CD200: variants seen among roughly 807,000 people sequenced by gnomAD.
CD200 encodes the protein CD200 molecule.
Under a neutral mutation model 30.9 loss-of-function variants are expected in CD200, and 15 were observed. The ratio of observed to expected loss-of-function variants is 0.49; its 90% CI spans 0.32 to 0.75. CD200 has a LOEUF of 0.75. Among genes scored for constraint, CD200 ranks in the 30% least tolerant of loss-of-function variants. The pLI is 0.03. For synonymous variants in CD200, 134 were observed against 126.2 expected, an observed-to-expected ratio of 1.06 and a Z score of -0.41; for missense variants, 262 against 324.2, an observed-to-expected ratio of 0.81 and a Z score of 1.47.
intron 2 of CD200, among the ~76,000 whole-genome samples, chr3:112,342,373 CTTTCTTTCTTTCTTTCTTTCTTTCT>C (rs2081278380): frequency 5.3e-5 from 2 of 37,676 alleles, no homozygotes; most frequent in African/African-American, 1.9e-4. Context: ...TTCTTTCTTT[CTTTCTTTCTTTCTTTCTTTCTTTCT>C]TTCTTTCTTT....
Position 112,340,986 on chromosome 3 carries a change from A to T in CD200, c.94+3A>T. 6.3e-7 allele frequency: 1 copy of T among 1,594,170 alleles called. No individual in the cohort carries two copies. On this transcript the variant is annotated splice_donor_region_variant and intron_variant, in intron 2 of 5. Transcript: ENST00000315711. Reference sequence around the variant, plus strand: ...AGTGGTGCTGTGCACAGCACAAGGTAAAGAAACTCAATTCCCCTGCTTGGA... The same window carrying T: ...AGTGGTGCTGTGCACAGCACAAGGTTAAGAAACTCAATTCCCCTGCTTGGA...
chr3:112,335,551 T>C (rs866238610), intron 1 of CD200, among the ~76,000 whole-genome samples: 5 of 152,334 alleles, frequency 3.3e-5, no homozygotes, highest in Admixed American at 6.5e-5. Flanking sequence ...CTGTGTACTA[T>C]GATGCCACTG....
intron 5 of CD200, among the ~76,000 whole-genome samples, chr3:112,357,450 A>G (rs1012428789): frequency 6.6e-6 from 1 of 152,186 alleles, no homozygotes; most frequent in Non-Finnish European, 1.5e-5. Flanking sequence ...GCGTGAGCCA[A>G]TAAAGCTCTA....
At chr3:112,346,886 G>T (rs1297066700) in intron 3 of CD200, among the ~76,000 whole-genome samples, 3 of 152,216 alleles carry the variant, frequency 2.0e-5, no homozygotes, top group Non-Finnish European at 2.9e-5. Context: ...TCATGAGCTA[G>T]TTAGTTTTTC....
upstream of CD200, chr3:112,332,655 C>T: frequency 5.5e-6 from 1 of 180,590 alleles, no homozygotes; most frequent in Non-Finnish European, 1.2e-5. Flanking sequence ...ATCATTAATG[C>T]AAGTGGAAGG....
intron 5 of CD200, among the ~76,000 whole-genome samples, chr3:112,356,472 ATACT>A (rs2081625456): frequency 6.6e-6 from 1 of 152,196 alleles, no homozygotes; most frequent in African/African-American, 2.4e-5. Flanking sequence ...ATTGCCTCAC[ATACT>A]TATTTTTTTG....
chr3:112,344,885 A>G, intron 2 of CD200, 77 bp from the exon 3 acceptor site: 2 of 1,095,032 alleles, frequency 1.8e-6, no homozygotes, highest in South Asian at 3.1e-5. Flanking sequence ...CATTGAATAT[A>G]CATTTTATTT....
intron 1 of CD200, chr3:112,335,776 G>T (rs1206195741): frequency 3.1e-6 from 2 of 647,424 alleles, no homozygotes; most frequent in Non-Finnish European, 5.6e-6. Context: ...CTGAAGAAGA[G>T]CCCTTTTCCA....
Position 112,345,242 on chromosome 3 carries a change from C to T in CD200, c.375C>T (p.Thr125=). ...DEGCYMCLFN[T]FGFGKISGTA... is the part of the protein sequence containing the mutation. ...GGTGTTACATGTGTCTCTTCAATACCTTTGGTTTTGGGAAGATCTCAGGAA... is the reference window on the plus strand; with the variant it reads ...GGTGTTACATGTGTCTCTTCAATACTTTTGGTTTTGGGAAGATCTCAGGAA... Residue 125 remains threonine, a synonymous_variant, in exon 3 of 6, where the codon ACC becomes ACT. Coordinates refer to ENST00000315711, the MANE Select transcript of CD200 (RefSeq NM_005944.7). 1 of 1,614,014 alleles carries T rather than the reference C, an allele frequency of 6.2e-7. No individual in the cohort carries two copies. Among genetic ancestry groups the T allele is most frequent in the Non-Finnish European group, 8.5e-7 (1 of 1,179,940 alleles).
At chr3:112,359,727 T>A (rs2081700454) in intron 5 of CD200, among the ~76,000 whole-genome samples, 1 of 152,212 alleles carries the variant, frequency 6.6e-6, no homozygotes, top group Non-Finnish European at 1.5e-5. Flanking sequence ...CTTGTCATTT[T>A]AATGGAGATG....
intron 5 of CD200, among the ~76,000 whole-genome samples, chr3:112,353,064 C>G (rs1035852445): frequency 1.3e-5 from 2 of 152,066 alleles, no homozygotes; most frequent in Non-Finnish European, 2.9e-5. Context: ...TTAAAATTTC[C>G]TAGGGAAATT....
intron 5 of CD200, among the ~76,000 whole-genome samples, chr3:112,352,813 T>C (rs2081558820): frequency 6.6e-6 from 1 of 152,198 alleles, no homozygotes; most frequent in Non-Finnish European, 1.5e-5. Flanking sequence ...CAGTTACTGA[T>C]GTTATTTTTA....
In CD200 at chr3:112,347,726, G is replaced by A. The variant is rs1284729680; in HGVS notation, c.590G>A (p.Ser197Asn). 1 of 1,613,824 alleles carries A rather than the reference G, an allele frequency of 6.2e-7. No homozygotes were observed. The highest frequency in any genetic ancestry group is 8.5e-7 in the Non-Finnish European group (1 of 1,179,912). ...CCAAATGGGACCACGTCTGTTACCA[G>A]CATCCTCCATATCAAAGACCCTAAG... ...SHPNGTTSVTSILHIKDPKNQ... is the reference protein window; with the variant it reads ...SHPNGTTSVTNILHIKDPKNQ... Residue 197 changes from serine (S) to asparagine (N), a missense_variant, in exon 4 of 6, where the codon AGC becomes AAC. Ser to Asn is a conservative substitution (Grantham distance 46, BLOSUM62 1). Transcript: ENST00000315711.
At chr3:112,335,201 T>TA (rs59168049) in intron 1 of CD200, among the ~76,000 whole-genome samples, 197 of 149,192 alleles carry the variant, frequency 1.3e-3, no homozygotes, top group African/African-American at 5.0e-3. Context: ...GAGTTATATA[T>TA]TTTTTTTCAC....
intron 1 of CD200, 30 bp from the exon 2 acceptor site, chr3:112,340,872 C>T: frequency 7.5e-7 from 1 of 1,333,560 alleles, no homozygotes; most frequent in Non-Finnish European, 1.1e-6. Flanking sequence ...ATCCAAACCC[C>T]CATTTCTGTA....
chr3:112,345,376 G>T (rs998841836), intron 3 of CD200, 88 bp downstream of exon 3: 70 of 1,042,762 alleles, frequency 6.7e-5, no homozygotes, highest in Non-Finnish European at 9.3e-5. Context: ...AGTTTTTCAG[G>T]ATTTTAACCA....
intron 3 of CD200, among the ~76,000 whole-genome samples, chr3:112,346,631 C>A (rs1216571822): frequency 2.0e-5 from 3 of 152,194 alleles, no homozygotes; most frequent in Non-Finnish European, 4.4e-5. Flanking sequence ...TTAGCCAGAG[C>A]CACAGTTCCA....
chr3:112,347,661 T>A lies in CD200; in HGVS notation c.525T>A (p.Pro175=). ...RPAPMVFWKV[P]RSGIENSTVT... is the part of the protein sequence containing the mutation. Reference sequence around the variant, plus strand: ...CCCCCATGGTCTTCTGGAAGGTCCCTCGGTCAGGGATTGAAAATAGTACAG... The same window carrying A: ...CCCCCATGGTCTTCTGGAAGGTCCCACGGTCAGGGATTGAAAATAGTACAG... The change falls in exon 4 of 6, where the codon CCT becomes CCA. Residue 175 remains proline, a synonymous_variant. Coordinates refer to ENST00000315711, the MANE Select transcript of CD200 (RefSeq NM_005944.7). The A allele has an allele frequency of 6.2e-7, 1 of 1,614,104 alleles. No individual in the cohort carries two copies. Among genetic ancestry groups the A allele is most frequent in the Non-Finnish European group, 8.5e-7 (1 of 1,179,984 alleles).
intron 1 of CD200, among the ~76,000 whole-genome samples, chr3:112,339,511 GC>G (rs1225642765): frequency 1.3e-5 from 2 of 152,176 alleles, no homozygotes; most frequent in Non-Finnish European, 2.9e-5. Flanking sequence ...CCAAAATAAG[GC>G]CCTGTGTCCA....
Sources: gnomAD v4.1 joint callset for allele counts (sites outside exome capture counted in the v4.1 genomes callset) on GRCh38, gnomAD v4.1.1 for gene constraint, MANE v1.5 for transcripts, NCBI Gene and HGNC (gene_info 2026-07-23, HGNC 2026-07-21) for gene names.